Variants in SCAMP1 observed in about 807,000 individuals in gnomAD.
SCAMP1 encodes secretory carrier membrane protein 1.
A neutral mutation model predicts 41.8 loss-of-function variants in SCAMP1; 15 were observed. That is an observed-to-expected ratio of 0.36 (90% confidence interval 0.24 to 0.55). SCAMP1 has a LOEUF of 0.55. SCAMP1 is among the 20% of genes least tolerant of loss of function. The pLI is 0.86. For missense variants in SCAMP1, 341 were observed against 412.6 expected (o/e 0.83, Z 1.50); for synonymous variants, 135 against 136.8 (o/e 0.99, Z 0.09).
rs114580289 is a variant in SCAMP1 at position 78,413,111 on chromosome 5, G to A, written c.136-2409G>A. On this transcript the variant is annotated intron_variant, in intron 2 of 8. Coordinates refer to ENST00000621999, the MANE Select transcript of SCAMP1 (RefSeq NM_004866.6). ...CAGTTTTAGATCATGAATTTACCTC[G>A]AATTAATCTTTGTATATGATGCGAA... Among the ~76,000 whole-genome samples the A allele has an allele frequency of 4.7e-3, 718 of 152,112 alleles. 7 individuals are homozygous for A. Among genetic ancestry groups the A allele is most frequent in the African/African-American group, 0.017 (689 of 41,504 alleles).
In SCAMP1 at chr5:78,475,635, A is replaced by G. The variant is rs1479273975; in HGVS notation, c.984A>G (p.Ala328=). ...ANAASTAASS[A]AQNAFKGNQI ...CAGCTTCAACTGCAGCATCTAGTGC[A>G]GCTCAGAATGCTTTCAAGGGTAACC... Residue 328 remains alanine (A), a synonymous_variant, in exon 9 of 9, where the codon GCA becomes GCG. Transcript: ENST00000621999. 4 of 1,590,904 alleles carry G rather than the reference A, an allele frequency of 2.5e-6. No individual in the cohort carries two copies. In the East Asian group the frequency reaches 9.0e-5, roughly 36 times the overall value.
intron 8 of SCAMP1, among the ~76,000 whole-genome samples, chr5:78,474,296 A>G (rs1057248113): frequency 6.6e-6 from 1 of 152,162 alleles, no homozygotes; most frequent in African/African-American, 2.4e-5. Flanking sequence ...GAACACAAAC[A>G]TTCAGTCCAT....
In SCAMP1 at chr5:78,462,518, T is replaced by C. The variant is rs1753642905; in HGVS notation, c.852+3156T>C. Among the ~76,000 whole-genome samples, 6 of 152,110 alleles carry C rather than the reference T, an allele frequency of 3.9e-5. No individual in the cohort carries two copies. The South Asian group carries it at 1.2e-3, about 31-fold the overall frequency. On this transcript the variant is annotated intron_variant, in intron 8 of 8. Transcript: ENST00000621999. ...TTTTTGTATTTTTAGTAGAGATGAT[T>C]TCGCCATGTTGGCCAGTCTGGTCTG...
chr5:78,447,605 AG>A (rs1753083311), intron 6 of SCAMP1, among the ~76,000 whole-genome samples: 1 of 152,188 alleles, frequency 6.6e-6, no homozygotes, highest in Non-Finnish European at 1.5e-5. Flanking sequence ...AACTCAAAAA[AG>A]AACATAGACT....
chr5:78,473,171 G>T (rs1753925970), intron 8 of SCAMP1, among the ~76,000 whole-genome samples: 1 of 152,170 alleles, frequency 6.6e-6, no homozygotes, highest in Admixed American at 6.5e-5. Context: ...ACCAGTATAT[G>T]TATTTGTCAG....
intron 2 of SCAMP1, among the ~76,000 whole-genome samples, chr5:78,399,565 T>C (rs1353996259): frequency 6.6e-6 from 1 of 152,254 alleles, no homozygotes; most frequent in East Asian, 1.9e-4. Flanking sequence ...TGATGACATA[T>C]GATGTGGAGC....
At chr5:78,439,081 A>ATC (rs961867883) in intron 6 of SCAMP1, among the ~76,000 whole-genome samples, 1 of 152,094 alleles carries the variant, frequency 6.6e-6, no homozygotes, top group Non-Finnish European at 1.5e-5. Flanking sequence ...ATCTTCCTCC[A>ATC]TCCCTTTATT....
intron 2 of SCAMP1, among the ~76,000 whole-genome samples, chr5:78,391,611 C>T (rs928865891): frequency 3.9e-5 from 6 of 152,186 alleles, no homozygotes; most frequent in South Asian, 2.1e-4. Context: ...GGGTGGCGGC[C>T]GGGCAGAGGC....
At chr5:78,395,705 C>A (rs1364379193) in intron 2 of SCAMP1, among the ~76,000 whole-genome samples, 1 of 152,158 alleles carries the variant, frequency 6.6e-6, no homozygotes, top group Non-Finnish European at 1.5e-5. Flanking sequence ...TGGAGGCCAA[C>A]CATTGATTGT....
chr5:78,450,181 C>A, intron 7 of SCAMP1, 147 bp downstream of exon 7: 1 of 563,222 alleles, frequency 1.8e-6, no homozygotes, highest in South Asian at 2.5e-5. Context: ...TTTAAAATGT[C>A]ATAAGGCATA....
intron 1 of SCAMP1, among the ~76,000 whole-genome samples, chr5:78,373,736 G>A (rs1381932493): frequency 6.6e-6 from 1 of 152,114 alleles, no homozygotes; most frequent in Admixed American, 6.6e-5. Context: ...ATTTGGACTA[G>A]CAGGACTGCC....
chr5:78,475,549 C>A lies in SCAMP1; in HGVS notation c.898C>A (p.Gln300Lys). 6.2e-7 allele frequency: 1 copy of A among 1,611,280 alleles called. No homozygotes were observed. Among genetic ancestry groups the A allele is most frequent in the Non-Finnish European group, 8.5e-7 (1 of 1,179,078 alleles). ...RTTGASFEKA[Q>K]QEFATGVMSN... Reference sequence around the variant, plus strand: ...AACAGGTGCTAGTTTTGAGAAGGCCCAACAGGAGTTTGCAACAGGTGTGAT... The same window carrying A: ...AACAGGTGCTAGTTTTGAGAAGGCCAAACAGGAGTTTGCAACAGGTGTGAT... Residue 300 changes from glutamine to lysine, a missense_variant, in exon 9 of 9, where the codon CAA becomes AAA. Coordinates refer to ENST00000621999, the MANE Select transcript of SCAMP1 (RefSeq NM_004866.6).
At chr5:78,405,114 T>C (rs1265033889) in intron 2 of SCAMP1, among the ~76,000 whole-genome samples, 1 of 152,240 alleles carries the variant, frequency 6.6e-6, no homozygotes, top group Non-Finnish European at 1.5e-5. Context: ...CTCACATCTC[T>C]TAACGATCCA....
chr5:78,398,012 G>A (rs1751696822), intron 2 of SCAMP1, among the ~76,000 whole-genome samples: 1 of 152,186 alleles, frequency 6.6e-6, no homozygotes, highest in South Asian at 2.1e-4. Flanking sequence ...ATGTAAAATG[G>A]TGCAGCTGCT....
chr5:78,448,661 AT>A (rs1298463057), intron 6 of SCAMP1, among the ~76,000 whole-genome samples: 5 of 152,250 alleles, frequency 3.3e-5, no homozygotes, highest in African/African-American at 1.2e-4. Context: ...TGTTAATGAG[AT>A]GTGGAGGAGC....
At chr5:78,468,652 T>C (rs1206453562) in intron 8 of SCAMP1, among the ~76,000 whole-genome samples, 2 of 152,204 alleles carry the variant, frequency 1.3e-5, no homozygotes, top group Non-Finnish European at 2.9e-5. Flanking sequence ...TTTTGCATTT[T>C]GAAAGAATTT....
At chr5:78,462,552 G>T (rs193231237) in intron 8 of SCAMP1, among the ~76,000 whole-genome samples, 1 of 152,082 alleles carries the variant, frequency 6.6e-6, no homozygotes, top group Non-Finnish European at 1.5e-5. Flanking sequence ...TGTAACTCCT[G>T]ACCTCAAGTG....
intron 1 of SCAMP1, chr5:78,370,710 C>A (rs1015056504): frequency 2.0e-5 from 3 of 152,140 alleles, no homozygotes; most frequent in Admixed American, 6.6e-5. Flanking sequence ...AGTGGAATTG[C>A]CTAGTCATAT....
At chr5:78,439,589 T>C (rs1469462033) in intron 6 of SCAMP1, among the ~76,000 whole-genome samples, 1 of 152,214 alleles carries the variant, frequency 6.6e-6, no homozygotes, top group East Asian at 1.9e-4. Flanking sequence ...GATCTGCTGT[T>C]AGTCTGATGG....
Sources: gnomAD v4.1 joint callset for allele counts (sites outside exome capture counted in the v4.1 genomes callset) on GRCh38, gnomAD v4.1.1 for gene constraint, MANE v1.5 for transcripts, NCBI Gene and HGNC (gene_info 2026-07-23, HGNC 2026-07-21) for gene names.